Variants in EPHA6 observed in about 807,000 individuals in gnomAD.
EPHA6 encodes EPH receptor A6.
Under a neutral mutation model 112.0 loss-of-function variants are expected in EPHA6, and 50 were observed. The observed-to-expected ratio is 0.45, with a 90% CI of 0.36 to 0.56. The LOEUF is 0.56. EPHA6 is among the 20% of genes least tolerant of loss of function. The probability of loss-of-function intolerance (pLI) is 0.00; values close to 1 mark genes in which losing one functional copy is unlikely to be tolerated. For missense variants in EPHA6, 1,280 were observed against 1,417.4 expected, an observed-to-expected ratio of 0.90 and a Z score of 1.56; for synonymous variants, 529 against 490.7, an observed-to-expected ratio of 1.08 and a Z score of -1.03.
At chr3:97,646,267 G>T in intron 14 of EPHA6, 1 of 1,533,276 alleles carries the variant, frequency 6.5e-7, no homozygotes, top group South Asian at 1.2e-5. Context: ...GGAGCCAGTG[G>T]CCAGACCAGA....
intron 3 of EPHA6, among the ~76,000 whole-genome samples, chr3:97,094,275 A>G (rs1333442298): frequency 6.6e-6 from 1 of 152,154 alleles, no homozygotes; most frequent in Admixed American, 6.6e-5. Context: ...CCTAGAGCAA[A>G]TAATCAGTTT....
chr3:97,314,528 T>C lies in EPHA6; in HGVS notation c.1606+70241T>C, dbSNP rs2081717910. On this transcript the variant is annotated intron_variant, in intron 5 of 17. Coordinates refer to ENST00000389672, the MANE Select transcript of EPHA6 (RefSeq NM_001080448.3). ...GCAAGGGATTTTTCATGCTGAAATT[T>C]ACTTCTTGGTTTAGGGTATCTAAAA... 2.0e-5 allele frequency among the ~76,000 whole-genome samples: 3 copies of C among 151,672 alleles called. No individual in the cohort carries two copies. In the Admixed American group the frequency reaches 2.0e-4, roughly 10 times the overall value.
intron 2 of EPHA6, among the ~76,000 whole-genome samples, chr3:96,894,455 G>A (rs1407838864): frequency 6.6e-6 from 1 of 152,034 alleles, no homozygotes; most frequent in African/African-American, 2.4e-5. Flanking sequence ...GATTACAGCA[G>A]CTTTTAAGGC....
At chr3:97,030,876 G>A (rs1455348335) in intron 3 of EPHA6, among the ~76,000 whole-genome samples, 1 of 151,972 alleles carries the variant, frequency 6.6e-6, no homozygotes, top group Non-Finnish European at 1.5e-5. Flanking sequence ...ATGAAGTTGT[G>A]TGGGTGTGTG....
rs1433215939 is a variant in EPHA6, at chr3:97,596,704, G to T, written c.2512+3967G>T. On this transcript the variant is annotated intron_variant, in intron 12 of 17. Coordinates refer to ENST00000389672, the MANE Select transcript of EPHA6 (RefSeq NM_001080448.3). The stretch of plus-strand genomic sequence containing the variant: ...ATGTGTTCATATCTACAAAATTTTA[G>T]CTTACTTTTTTGTCCCTTTTCTATC... Among the ~76,000 whole-genome samples, 4 of 146,704 alleles carry T rather than the reference G, an allele frequency of 2.7e-5. No individual in the cohort carries two copies. In the East Asian group the frequency reaches 8.0e-4, roughly 29 times the overall value.
chr3:96,899,941 A>G (rs1054761674), intron 2 of EPHA6, among the ~76,000 whole-genome samples: 1 of 152,168 alleles, frequency 6.6e-6, no homozygotes, highest in African/African-American at 2.4e-5. Context: ...GAAGTGATGA[A>G]AACATGTAAT....
Position 96,988,923 on chromosome 3 carries a change from C to T in EPHA6, c.1114+930C>T, listed in dbSNP as rs1002511992. On this transcript the variant is annotated intron_variant, in intron 3 of 17. Coordinates refer to ENST00000389672, the MANE Select transcript of EPHA6 (RefSeq NM_001080448.3). ...GGCTTATTTACCTAATAAGTATATACATTCAAAAATTTTATATACCCCCTA... is the reference window on the plus strand; with the variant it reads ...GGCTTATTTACCTAATAAGTATATATATTCAAAAATTTTATATACCCCCTA... Among the ~76,000 whole-genome samples, 7 of 151,924 alleles carry T rather than the reference C, an allele frequency of 4.6e-5. No homozygotes were observed. In the East Asian group the frequency reaches 5.8e-4, roughly 13 times the overall value.
chr3:97,005,973 G>T (rs2043862983), intron 3 of EPHA6, among the ~76,000 whole-genome samples: 1 of 152,156 alleles, frequency 6.6e-6, no homozygotes, highest in Non-Finnish European at 1.5e-5. Context: ...AAGCTGATTT[G>T]ATCATGATGG....
chr3:97,244,787 T>A (rs528848631), intron 5 of EPHA6: 1 of 155,846 alleles, frequency 6.4e-6, no homozygotes, highest in East Asian at 1.9e-4. Flanking sequence ...TGTGTTCAAA[T>A]GTCATCATCT....
chr3:97,512,253 C>T (rs1343310461), intron 10 of EPHA6, among the ~76,000 whole-genome samples: 1 of 152,028 alleles, frequency 6.6e-6, no homozygotes, highest in Non-Finnish European at 1.5e-5. Flanking sequence ...GTTTAATTTA[C>T]AGAGGTATTA....
At chr3:97,415,691 A>T (rs1559976917) in intron 6 of EPHA6, among the ~76,000 whole-genome samples, 1 of 152,078 alleles carries the variant, frequency 6.6e-6, no homozygotes, top group Non-Finnish European at 1.5e-5. Flanking sequence ...CAGATCACAA[A>T]ATGGACATTT....
At chr3:96,938,083 T>C (rs1313266278) in intron 2 of EPHA6, among the ~76,000 whole-genome samples, 9 of 151,510 alleles carry the variant, frequency 5.9e-5, no homozygotes, top group South Asian at 2.1e-4. Flanking sequence ...ATTGACTTGG[T>C]GATGCGGGCT....
At chr3:97,232,030 G>A (rs948058191) in intron 4 of EPHA6, among the ~76,000 whole-genome samples, 1 of 152,176 alleles carries the variant, frequency 6.6e-6, no homozygotes, top group Non-Finnish European at 1.5e-5. Flanking sequence ...GTCAGAGAGA[G>A]ATTTTGGTTT....
chr3:97,171,903 AAGAAG>A (rs1441848254), intron 3 of EPHA6, among the ~76,000 whole-genome samples: 4 of 152,114 alleles, frequency 2.6e-5, no homozygotes, highest in African/African-American at 9.6e-5. Context: ...GTAATTACTG[AAGAAG>A]AACAATAAGG....
At chr3:97,484,972 G>C (rs900573561) in intron 10 of EPHA6, among the ~76,000 whole-genome samples, 31 of 152,248 alleles carry the variant, frequency 2.0e-4, no homozygotes, top group Non-Finnish European at 2.9e-5. Context: ...TTAATTGCTA[G>C]AGAGTTTGGA....
intron 3 of EPHA6, among the ~76,000 whole-genome samples, chr3:97,073,340 C>T (rs2046418094): frequency 6.6e-6 from 1 of 152,084 alleles, no homozygotes; most frequent in Non-Finnish European, 1.5e-5. Flanking sequence ...TAAGCAATGT[C>T]ATAACCTCCT....
chr3:97,632,624 C>CA (rs982468529), intron 13 of EPHA6, among the ~76,000 whole-genome samples: 40 of 151,806 alleles, frequency 2.6e-4, no homozygotes, highest in Middle Eastern at 3.4e-3. Flanking sequence ...ATACGAGTCA[C>CA]AAAAAAACTC....
At chr3:97,262,377 A>G (rs903059827) in intron 5 of EPHA6, among the ~76,000 whole-genome samples, 3 of 152,220 alleles carry the variant, frequency 2.0e-5, no homozygotes, top group Non-Finnish European at 4.4e-5. Context: ...CTATTCATCA[A>G]TATTCATATG....
At chr3:97,246,691 G>T (rs919075811) in intron 5 of EPHA6, among the ~76,000 whole-genome samples, 31 of 151,138 alleles carry the variant, frequency 2.1e-4, no homozygotes, top group African/African-American at 7.3e-4. Context: ...GTACATAAAG[G>T]TCCTAAACCA....
Sources: allele counts gnomAD v4.1 joint callset (sites outside exome capture counted in the v4.1 genomes callset), GRCh38; gene constraint gnomAD v4.1.1; transcripts MANE v1.5; gene names NCBI Gene and HGNC (gene_info 2026-07-23, HGNC 2026-07-21).